Variants in ZRANB3 observed in about 807,000 individuals in gnomAD.
The protein encoded by ZRANB3 is zinc finger RANBP2-type containing 3, also known as DNA annealing helicase and endonuclease ZRANB3.
A neutral mutation model predicts 133.8 loss-of-function variants in ZRANB3; 125 were observed. The observed-to-expected ratio is 0.93, with a 90% CI of 0.81 to 1.08. ZRANB3 has a LOEUF of 1.08. Among genes scored for constraint, ZRANB3 ranks in the 50% least tolerant of loss-of-function variants. The pLI is 0.00. For synonymous variants in ZRANB3, 387 were observed against 432.7 expected (o/e 0.89, Z 1.31); for missense variants, 1,229 against 1,275.5 (o/e 0.96, Z 0.56).
intron 12 of ZRANB3, among the ~76,000 whole-genome samples, chr2:135,258,385 A>G (rs561817801): frequency 5.9e-5 from 9 of 152,210 alleles, no homozygotes; most frequent in Admixed American, 4.6e-4. Context: ...GTTAGCACCC[A>G]TTGCAGGAAG....
At chr2:135,245,404 T>A (rs1243849594) in intron 12 of ZRANB3, among the ~76,000 whole-genome samples, 1 of 152,158 alleles carries the variant, frequency 6.6e-6, no homozygotes, top group Non-Finnish European at 1.5e-5. Flanking sequence ...AAGATAATTA[T>A]ACCTGCTGGA....
rs113660221 is a variant in ZRANB3 at position 135,254,449 on chromosome 2, A to T, written c.1539+11085T>A. Among the ~76,000 whole-genome samples, 461 of 112,106 alleles carry T rather than the reference A, an allele frequency of 4.1e-3. 3 individuals are homozygous for T. The highest frequency in any genetic ancestry group is 0.016 in the African/African-American group (420 of 25,844). 73.5% of individuals were successfully genotyped at this position (112,106 alleles called of 152,430 possible). A position where few individuals can be genotyped will look rare whatever the true frequency, so the allele number is the denominator to read the frequency against. On this transcript the variant is annotated intron_variant, in intron 12 of 20. Coordinates refer to ENST00000264159, the MANE Select transcript of ZRANB3 (RefSeq NM_032143.4). ...CTCAAAATTTAGCATATAGTCTTTTAAAAAAAAAACAGCTTTGGCCAGGTG... is the reference window on the plus strand; with the variant it reads ...CTCAAAATTTAGCATATAGTCTTTTTAAAAAAAAACAGCTTTGGCCAGGTG...
intron 6 of ZRANB3, among the ~76,000 whole-genome samples, chr2:135,323,919 C>G (rs940983207): frequency 6.6e-6 from 1 of 151,930 alleles, no homozygotes; most frequent in Non-Finnish European, 1.5e-5. Context: ...AGGCATGCAA[C>G]AGCCACCTCC....
intron 11 of ZRANB3, among the ~76,000 whole-genome samples, chr2:135,267,591 C>T (rs1468132148): frequency 6.6e-6 from 1 of 151,970 alleles, no homozygotes; most frequent in Non-Finnish European, 1.5e-5. Flanking sequence ...CAATAATTAT[C>T]CAAAATTATA....
chr2:135,398,126 C>T (rs949457759), intron 2 of ZRANB3, among the ~76,000 whole-genome samples: 5 of 151,936 alleles, frequency 3.3e-5, no homozygotes, highest in Admixed American at 6.6e-5. Context: ...AGTGCAGTGG[C>T]GCCATCTCCG....
At chr2:135,423,822 A>G (rs928594114) in intron 2 of ZRANB3, among the ~76,000 whole-genome samples, 25 of 152,236 alleles carry the variant, frequency 1.6e-4, no homozygotes, top group Non-Finnish European at 2.4e-4. Context: ...TTCTCTAGAC[A>G]ATCAGACCAG....
chr2:135,459,053 G>A (rs72986436), intron 2 of ZRANB3, among the ~76,000 whole-genome samples: 6,578 of 152,096 alleles, frequency 0.043, 479 homozygotes, highest in African/African-American at 0.15. Context: ...CTCTCTTCCC[G>A]TCATGATACT....
Position 135,207,457 on chromosome 2 carries a change from T to G in ZRANB3, c.2986A>C (p.Thr996Pro), listed in dbSNP as rs764115468. The change falls in exon 19 of 21, where the codon ACT (threonine) becomes CCT (proline). Residue 996 changes from threonine (T) to proline (P), a missense_variant. Transcript: ENST00000264159. ...ACCTGTTCTAATGGGAGCTTTGAAG[T>G]CCAGGTAGCATACAGAAGATTCTTC... ...QRKNLLYATW[T>P]SKLPLEQLNE... 1.9e-6 allele frequency: 3 copies of G among 1,612,606 alleles called. No homozygotes were observed. In the South Asian group the frequency reaches 3.3e-5, roughly 18 times the overall value.
Position 135,344,579 on chromosome 2 carries a change from T to C in ZRANB3, c.677+971A>G, listed in dbSNP as rs567478703. ...GGTGAAACCCCATCTCTAGTAAAAA[T>C]AACAAAAATTAGCCGGGCATGGTTG... On this transcript the variant is annotated intron_variant, in intron 6 of 20. Coordinates refer to ENST00000264159, the MANE Select transcript of ZRANB3 (RefSeq NM_032143.4). Among the ~76,000 whole-genome samples the C allele has an allele frequency of 9.2e-5, 14 of 151,790 alleles. 1 individual carries two copies. In the South Asian group the frequency reaches 2.9e-3, roughly 32 times the overall value.
At chr2:135,265,059 T>C (rs190202575) in intron 12 of ZRANB3, among the ~76,000 whole-genome samples, 250 of 152,272 alleles carry the variant, frequency 1.6e-3, no homozygotes, top group Admixed American at 3.3e-3. Flanking sequence ...CTTTGCCTAT[T>C]TTTCTGTTGA....
chr2:135,269,842 G>C (rs1368647335), intron 10 of ZRANB3, among the ~76,000 whole-genome samples: 1 of 151,886 alleles, frequency 6.6e-6, no homozygotes, highest in African/African-American at 2.4e-5. Context: ...AATGAAATGT[G>C]AACCACGCTT....
At chr2:135,430,184 A>C (rs569630567) in intron 2 of ZRANB3, among the ~76,000 whole-genome samples, 3 of 152,120 alleles carry the variant, frequency 2.0e-5, no homozygotes, top group Non-Finnish European at 4.4e-5. Flanking sequence ...TCAAAAAAAA[A>C]CAAAAACAAA....
intron 3 of ZRANB3, among the ~76,000 whole-genome samples, chr2:135,384,837 T>C (rs1686889240): frequency 6.6e-6 from 1 of 152,086 alleles, no homozygotes; most frequent in Non-Finnish European, 1.5e-5. Context: ...ATTGATGGGA[T>C]GTATCTCAAA....
chr2:135,203,631 AAAG>A (rs1693726981), intron 19 of ZRANB3, among the ~76,000 whole-genome samples: 1 of 151,804 alleles, frequency 6.6e-6, no homozygotes, highest in Admixed American at 6.6e-5. Context: ...AAAAAAAAAA[AAAG>A]AAATTTAAAA....
At position 135,207,472 on chromosome 2, in the gene ZRANB3, G is replaced by T; in HGVS notation, c.2971C>A (p.Leu991Met). 1 of 1,613,736 alleles carries T rather than the reference G, an allele frequency of 6.2e-7. No individual in the cohort carries two copies. The highest frequency in any genetic ancestry group is 8.5e-7 in the Non-Finnish European group (1 of 1,179,784). The change falls in exon 19 of 21, where the codon CTG becomes ATG. Residue 991 changes from leucine to methionine, a missense_variant. By Grantham distance (15) the Leu-to-Met change is conservative (BLOSUM62 2). Transcript: ENST00000264159. Reference protein sequence around the residue: ...DAPKSQRKNLLYATWTSKLPL... With the variant: ...DAPKSQRKNLMYATWTSKLPL... Reference sequence around the variant, plus strand: ...AGCTTTGAAGTCCAGGTAGCATACAGAAGATTCTTCCTCTGACTTTTAGGG... The same window carrying T: ...AGCTTTGAAGTCCAGGTAGCATACATAAGATTCTTCCTCTGACTTTTAGGG...
chr2:135,301,091 G>C (rs773106491), intron 8 of ZRANB3, among the ~76,000 whole-genome samples: 1 of 152,010 alleles, frequency 6.6e-6, no homozygotes, highest in Non-Finnish European at 1.5e-5. Flanking sequence ...GCTCACTGCA[G>C]CCTTGACCTT....
chr2:135,275,975 A>C (rs1441427148), intron 8 of ZRANB3, among the ~76,000 whole-genome samples: 2 of 152,154 alleles, frequency 1.3e-5, no homozygotes, highest in Non-Finnish European at 2.9e-5. Flanking sequence ...AATGAGAAGA[A>C]GACAAGAATT....
At chr2:135,402,446 C>G (rs906614660) in intron 2 of ZRANB3, among the ~76,000 whole-genome samples, 1 of 152,070 alleles carries the variant, frequency 6.6e-6, no homozygotes, top group East Asian at 1.9e-4. Context: ...AGGAGCCCAC[C>G]ACCACGTCCG....
intron 1 of ZRANB3, among the ~76,000 whole-genome samples, chr2:135,508,873 A>G (rs189241634): frequency 2.6e-5 from 4 of 152,254 alleles, no homozygotes; most frequent in African/African-American, 7.2e-5. Context: ...ACTTCATTCT[A>G]GATTACCAAG....
Sources: allele counts gnomAD v4.1 joint callset (sites outside exome capture counted in the v4.1 genomes callset), GRCh38; gene constraint gnomAD v4.1.1; transcripts MANE v1.5; gene names NCBI Gene and HGNC (gene_info 2026-07-23, HGNC 2026-07-21).